Variants in ATP1A3 observed in about 807,000 individuals in gnomAD.
The protein encoded by ATP1A3 is ATPase Na+/K+ transporting subunit alpha 3, also known as sodium/potassium-transporting ATPase subunit alpha-3.
ATP1A3 carries 12 observed loss-of-function variants against 108.8 expected under a neutral mutation model. The observed-to-expected ratio is 0.11, with a 90% confidence interval of 0.07 to 0.18. The LOEUF (loss-of-function observed/expected upper bound fraction) is 0.18, where lower values mean the gene tolerates loss of function less well. ATP1A3 is among the 10% of genes least tolerant of loss of function. ATP1A3 has a pLI of 1.00. For synonymous variants in ATP1A3, 539 were observed against 564.5 expected (o/e 0.95, Z 0.64); for missense variants, 498 against 1,387.7 (o/e 0.36, Z 10.19).
chr19:41,991,486 G>C (rs941899015), intron 1 of ATP1A3, among the ~76,000 whole-genome samples: 52 of 152,314 alleles, frequency 3.4e-4, no homozygotes, highest in African/African-American at 1.2e-3. Context: ...GGTGGTCTCA[G>C]CTTTGCCCGA....
chr19:41,975,988 C>T (rs1333826580), intron 15 of ATP1A3, among the ~76,000 whole-genome samples, 191 bp from the exon 16 acceptor site: 3 of 151,402 alleles, frequency 2.0e-5, no homozygotes, highest in Admixed American at 2.0e-4. Flanking sequence ...GGGGTCCAGA[C>T]CCCCAGACCC....
chr19:41,972,662 A>G (rs2075121433), intron 16 of ATP1A3, among the ~76,000 whole-genome samples: 1 of 150,390 alleles, frequency 6.6e-6, no homozygotes, highest in African/African-American at 2.4e-5. Context: ...CTATGTGGGA[A>G]GCTGAGGCAG....
At chr19:41,984,209 T>C (rs2075264112) in intron 8 of ATP1A3, 1 of 151,966 alleles carries the variant, frequency 6.6e-6, no homozygotes, top group Non-Finnish European at 1.5e-5. Flanking sequence ...GCCAGGCTTA[T>C]TATTTTATTT....
intron 16 of ATP1A3, among the ~76,000 whole-genome samples, chr19:41,973,690 A>G (rs1305582228): frequency 6.6e-6 from 1 of 152,178 alleles, no homozygotes; most frequent in African/African-American, 2.4e-5. Context: ...TTGTAATTAC[A>G]TATCTGTTAA....
chr19:41,987,832 G>A (rs1555865924), intron 4 of ATP1A3, 104 bp downstream of exon 4: 1 of 1,380,260 alleles, frequency 7.2e-7, no homozygotes, highest in Non-Finnish European at 1.0e-6. Flanking sequence ...GGAAAAAGGG[G>A]GAGAGTGGGC....
intron 1 of ATP1A3, chr19:41,991,026 G>T (rs2145989304): frequency 6.6e-6 from 1 of 152,472 alleles, no homozygotes; most frequent in East Asian, 1.9e-4. Flanking sequence ...AGAGTTAGAG[G>T]CAGAAGCCCT....
At position 41,988,690 on chromosome 19, in the gene ATP1A3, G is replaced by T. The variant is rs1317402180; in HGVS notation, c.7-128C>A. 61 of 1,573,352 alleles carry T rather than the reference G, an allele frequency of 3.9e-5. No individual in the cohort carries two copies. Among genetic ancestry groups the T allele is most frequent in the Non-Finnish European group, 5.2e-5 (60 of 1,162,844 alleles). On this transcript the variant is annotated intron_variant, in intron 1 of 22. Transcript: ENST00000648268. This position sits in a 1 kb window ranked among gnomAD's most constrained non-coding sequence, Gnocchi z 5.3. The stretch of plus-strand genomic sequence containing the variant: ...GGTGCCCCTGCATCTCTGGGTGGGG[G>T]GTCTCTGTCTGCCTCTCGGGGTCTC...
chr19:41,971,385 T>C (rs1555859868), intron 16 of ATP1A3, among the ~76,000 whole-genome samples: 25 of 152,078 alleles, frequency 1.6e-4, no homozygotes, highest in Non-Finnish European at 1.5e-5. Context: ...GACCGAGTAA[T>C]CCGACTCCTA....
chr19:41,969,954 G>GC (rs1286378687), intron 18 of ATP1A3, among the ~76,000 whole-genome samples: 1 of 152,214 alleles, frequency 6.6e-6, no homozygotes, highest in African/African-American at 2.4e-5. Context: ...TGCTGGGACA[G>GC]CCCCCAAGGG....
chr19:41,994,035 CA>C (rs782516008), intron 1 of ATP1A3, 35 bp downstream of exon 1: 6 of 1,609,126 alleles, frequency 3.7e-6, no homozygotes, highest in Non-Finnish European at 5.1e-6. Flanking sequence ...CCCACAATGT[CA>C]CACGGAAGCG....
intron 1 of ATP1A3, chr19:41,993,428 C>A (rs2075358628): frequency 6.5e-7 from 1 of 1,535,666 alleles, no homozygotes; most frequent in Non-Finnish European, 8.7e-7. Context: ...TCCCAGCCTC[C>A]CATGCCTGCT....
chr19:41,984,738 G>T, intron 8 of ATP1A3, 180 bp downstream of exon 8: 1 of 698,030 alleles, frequency 1.4e-6, no homozygotes, highest in Non-Finnish European at 2.3e-6. Flanking sequence ...CAGGCCCCCA[G>T]CCCCTTCTCC....
chr19:41,979,854 A>G (rs1393971909), intron 11 of ATP1A3, among the ~76,000 whole-genome samples: 1 of 152,252 alleles, frequency 6.6e-6, no homozygotes, highest in Non-Finnish European at 1.5e-5. Context: ...TATGTTAATT[A>G]TATCTTAATA....
In ATP1A3 at chr19:41,978,687, C is replaced by T. The variant is rs782583311; in HGVS notation, c.1549G>A (p.Glu517Lys). Residue 517 changes from glutamate to lysine, a missense_variant, in exon 12 of 23, where the codon GAG becomes AAG. Physicochemically the swap from Glu to Lys is moderately conservative, Grantham distance 56 (BLOSUM62 1). Around this residue, in one of 9 missense-constraint regions of ATP1A3, gnomAD observed 92 missense variants for 168.7 expected, o/e 0.55. Transcript: ENST00000648268. The surrounding 1 kb of genome is among the most constrained non-coding windows in gnomAD (Gnocchi z 8.3). ...TTCATTTCCTCGTCCAGAGGCTGCT[C>T]CTTGCCCTGTAGCAGGATGGTGGAG... ...RCSTILLQGK[E>K]QPLDEEMKEA... 2 of 1,614,048 alleles carry T rather than the reference C, an allele frequency of 1.2e-6. No individual in the cohort carries two copies. Among genetic ancestry groups the T allele is most frequent in the South Asian group, 1.1e-5 (1 of 91,084 alleles).
chr19:41,979,279 A>T (rs1289545541), intron 11 of ATP1A3, among the ~76,000 whole-genome samples: 2 of 149,134 alleles, frequency 1.3e-5, no homozygotes, highest in Non-Finnish European at 3.0e-5. Context: ...CTGGGATAAC[A>T]GGCATAAGCC....
At position 41,985,250 on chromosome 19, in the gene ATP1A3, CT is replaced by C. The variant is rs1402458374; in HGVS notation, c.724+55del. ...AGGGAGGTTCTGGAGGCCTGACCCC[CT>C]GGGACACATCCCTGTGTCTGCCCCA... On this transcript the variant is annotated intron_variant, in intron 7 of 22. Coordinates refer to ENST00000648268, the MANE Select transcript of ATP1A3 (RefSeq NM_152296.5). The surrounding 1 kb of genome is among the most constrained non-coding windows in gnomAD (Gnocchi z 8.2). 5 of 1,613,968 alleles carry C rather than the reference CT, an allele frequency of 3.1e-6. No individual in the cohort carries two copies. Among genetic ancestry groups the C allele is most frequent in the African/African-American group, 1.3e-5 (1 of 74,930 alleles).
intron 16 of ATP1A3, among the ~76,000 whole-genome samples, chr19:41,973,596 G>A (rs145482151): frequency 1.2e-3 from 186 of 152,298 alleles, no homozygotes; most frequent in Middle Eastern, 3.4e-3. Flanking sequence ...CTTCAGAGAG[G>A]CCTTCCCTGT....
chr19:41,989,350 G>A (rs1481379779), intron 1 of ATP1A3, among the ~76,000 whole-genome samples: 3 of 133,666 alleles, frequency 2.2e-5, no homozygotes, highest in South Asian at 2.3e-4. Context: ...ACGGAGTCTC[G>A]CTTAGTCGCC....
At chr19:41,993,187 T>C in intron 1 of ATP1A3, 1 of 266,136 alleles carries the variant, frequency 3.8e-6, no homozygotes, top group South Asian at 3.2e-5. Context: ...CCCCCTCCCT[T>C]CAGCCCCGCC....
Sources: allele counts gnomAD v4.1 joint callset (sites outside exome capture counted in the v4.1 genomes callset), GRCh38; gene constraint gnomAD v4.1.1; regional missense constraint gnomAD v4.1.1; non-coding constraint Gnocchi (gnomAD v3.1); transcripts MANE v1.5; gene names NCBI Gene and HGNC (gene_info 2026-07-23, HGNC 2026-07-21).